The following RALYL variants were observed in gnomAD, a reference collection of about 807,000 sequenced individuals.
RALYL encodes RALY RNA binding protein like.
RALYL carries 29 observed loss-of-function variants against 35.1 expected under a neutral mutation model. The observed-to-expected ratio is 0.83, with a 90% CI of 0.61 to 1.13. RALYL has a LOEUF of 1.13. RALYL is among the 50% of genes most tolerant of loss of function. The probability of loss-of-function intolerance (pLI) is 0.00; values close to 1 mark genes in which losing one functional copy is unlikely to be tolerated. For missense variants in RALYL, 359 were observed against 360.4 expected, an observed-to-expected ratio of 1.00 and a Z score of 0.03; for synonymous variants, 120 against 127.6, an observed-to-expected ratio of 0.94 and a Z score of 0.40.
Position 84,209,125 on chromosome 8 carries a change from C to CAAAA in RALYL, c.-24+24717_-24+24720dup, listed in dbSNP as rs60246316. On this transcript the variant is annotated intron_variant, in intron 1 of 8. Transcript: ENST00000521268. ...TTGCATAAACATCCCACTCCTCCACCAAAAAAAAAAAAAAAAAAAGAAAAG... is the reference window on the plus strand; with the variant it reads ...TTGCATAAACATCCCACTCCTCCACCAAAAAAAAAAAAAAAAAAAAAAAGAAAAG... Among the ~76,000 whole-genome samples, 277 of 97,442 alleles carry CAAAA rather than the reference C, an allele frequency of 2.8e-3. 4 individuals are homozygous for CAAAA. The highest frequency in any genetic ancestry group is 4.0e-3 in the African/African-American group (104 of 25,950). The allele number at this position is 97,442 out of a possible 152,430, so 63.9% of individuals were successfully genotyped here.
At chr8:84,543,540 T>A (rs2060158537) in intron 2 of RALYL, among the ~76,000 whole-genome samples, 1 of 152,028 alleles carries the variant, frequency 6.6e-6, no homozygotes, top group Non-Finnish European at 1.5e-5. Flanking sequence ...TTTCCTAGTA[T>A]TTTCTAAAGA....
chr8:84,797,848 T>C (rs1272672621), intron 3 of RALYL, among the ~76,000 whole-genome samples: 1 of 152,192 alleles, frequency 6.6e-6, no homozygotes, highest in Non-Finnish European at 1.5e-5. Flanking sequence ...TCTTCTCTTC[T>C]TTATTTACTT....
chr8:84,219,694 G>A (rs1384802356), intron 1 of RALYL, among the ~76,000 whole-genome samples: 1 of 151,814 alleles, frequency 6.6e-6, no homozygotes, highest in Non-Finnish European at 1.5e-5. Flanking sequence ...TAGCATAACT[G>A]AGTAAAAGGA....
chr8:84,761,662 TAC>T (rs112822870), intron 2 of RALYL, among the ~76,000 whole-genome samples: 64 of 152,272 alleles, frequency 4.2e-4, no homozygotes, highest in African/African-American at 1.5e-3. Context: ...GCTCAGATAA[TAC>T]ACTCATTAAT....
At chr8:84,195,729 G>A (rs1433924902) in intron 1 of RALYL, among the ~76,000 whole-genome samples, 2 of 152,146 alleles carry the variant, frequency 1.3e-5, no homozygotes, top group African/African-American at 4.8e-5. Flanking sequence ...ATGTATGACA[G>A]TGTAGAGAAG....
intron 2 of RALYL, among the ~76,000 whole-genome samples, chr8:84,650,736 G>A (rs1413411026): frequency 6.6e-6 from 1 of 151,448 alleles, no homozygotes; most frequent in African/African-American, 2.4e-5. Context: ...ATACCCAAAG[G>A]ACTATAAATC....
At chr8:84,213,550 T>A (rs1820048337) in intron 1 of RALYL, among the ~76,000 whole-genome samples, 1 of 152,234 alleles carries the variant, frequency 6.6e-6, no homozygotes, top group East Asian at 1.9e-4. Context: ...TAAAATATAT[T>A]GTATTTGGAA....
chr8:84,857,878 T>C (rs1837370492), intron 5 of RALYL, among the ~76,000 whole-genome samples: 1 of 152,178 alleles, frequency 6.6e-6, no homozygotes, highest in African/African-American at 2.4e-5. Context: ...AAAATGTTAC[T>C]TTATTATTGC....
At chr8:84,248,028 A>C (rs1004890356) in intron 1 of RALYL, among the ~76,000 whole-genome samples, 2 of 152,194 alleles carry the variant, frequency 1.3e-5, no homozygotes, top group East Asian at 3.8e-4. Flanking sequence ...CTAAACTAAT[A>C]AATTTTAATC....
chr8:84,283,094 T>G (rs1306621465), intron 1 of RALYL, among the ~76,000 whole-genome samples: 3 of 152,096 alleles, frequency 2.0e-5, no homozygotes, highest in Non-Finnish European at 4.4e-5. Context: ...TGAAGGAATT[T>G]GAAAAGCATT....
chr8:84,579,012 C>T (rs1261368101), intron 2 of RALYL, among the ~76,000 whole-genome samples: 1 of 152,172 alleles, frequency 6.6e-6, no homozygotes, highest in African/African-American at 2.4e-5. Context: ...CCAGGGACCA[C>T]CCCTTTCTGC....
At chr8:84,913,308 G>A (rs2135716440) in intron 8 of RALYL, among the ~76,000 whole-genome samples, 1 of 151,918 alleles carries the variant, frequency 6.6e-6, no homozygotes, top group Middle Eastern at 3.4e-3. Context: ...GCTTATTAGA[G>A]GAATCTGATT....
At chr8:84,912,816 G>A (rs968062291) in intron 8 of RALYL, among the ~76,000 whole-genome samples, 1 of 151,996 alleles carries the variant, frequency 6.6e-6, no homozygotes, top group Non-Finnish European at 1.5e-5. Context: ...TGACCCTCAG[G>A]TAAGTGCAGA....
At chr8:84,280,143 T>C (rs1476161533) in intron 1 of RALYL, among the ~76,000 whole-genome samples, 1 of 152,284 alleles carries the variant, frequency 6.6e-6, no homozygotes, top group East Asian at 1.9e-4. Flanking sequence ...ACCTATGAGA[T>C]GATACAGTCT....
intron 1 of RALYL, among the ~76,000 whole-genome samples, chr8:84,219,764 T>G (rs2131289525): frequency 6.6e-6 from 1 of 152,146 alleles, no homozygotes; most frequent in South Asian, 2.1e-4. Flanking sequence ...TGACTGGGTC[T>G]AACAGGATAG....
intron 4 of RALYL, among the ~76,000 whole-genome samples, chr8:84,833,822 ATAATAT>A (rs1831413530): frequency 6.6e-6 from 1 of 151,862 alleles, no homozygotes; most frequent in Admixed American, 6.6e-5. Context: ...TAAAGTCAAG[ATAATAT>A]TAATACTAAC....
chr8:84,788,674 C>T (rs1471324668), intron 3 of RALYL, among the ~76,000 whole-genome samples: 2 of 152,096 alleles, frequency 1.3e-5, no homozygotes, highest in Admixed American at 6.5e-5. Flanking sequence ...CACAGTTCAG[C>T]GCAGTCCAGT....
chr8:84,277,507 A>G (rs1176275405), intron 1 of RALYL, among the ~76,000 whole-genome samples: 1 of 152,136 alleles, frequency 6.6e-6, no homozygotes, highest in East Asian at 1.9e-4. Context: ...ATGCCTTCCC[A>G]ACAGTCCCCC....
intron 1 of RALYL, among the ~76,000 whole-genome samples, chr8:84,418,265 T>C (rs557952472): frequency 6.6e-6 from 1 of 152,306 alleles, no homozygotes; most frequent in South Asian, 2.1e-4. Context: ...TTAACTAGTC[T>C]ATATATCTGC....
Sources: allele counts gnomAD v4.1 joint callset (sites outside exome capture counted in the v4.1 genomes callset), GRCh38; gene constraint gnomAD v4.1.1; transcripts MANE v1.5; gene names NCBI Gene and HGNC (gene_info 2026-07-23, HGNC 2026-07-21).